ERC2: variants seen among roughly 807,000 people sequenced by gnomAD.
ERC2 encodes ERC protein 2.
In ERC2, 42 loss-of-function variants were observed where a neutral mutation model predicts 114.8. The ratio of observed to expected loss-of-function variants is 0.37; its 90% CI spans 0.29 to 0.47. The LOEUF is 0.47. ERC2 is among the 20% of genes least tolerant of loss of function. ERC2 has a pLI of 0.99. For missense variants in ERC2, 939 were observed against 1,150.7 expected, an observed-to-expected ratio of 0.82 and a Z score of 2.66; for synonymous variants, 454 against 425.5, an observed-to-expected ratio of 1.07 and a Z score of -0.82.
intron 14 of ERC2, among the ~76,000 whole-genome samples, chr3:55,747,829 C>G (rs540919293): frequency 2.0e-5 from 3 of 152,350 alleles, no homozygotes; most frequent in Admixed American, 6.5e-5. Flanking sequence ...ACACCTGAAG[C>G]CTTGCACTGC....
At chr3:55,561,296 G>A (rs1430476249) in intron 17 of ERC2, among the ~76,000 whole-genome samples, 3 of 151,768 alleles carry the variant, frequency 2.0e-5, no homozygotes, top group Admixed American at 2.0e-4. Flanking sequence ...CATTTTTTCC[G>A]TGTGTCCATT....
intron 6 of ERC2, among the ~76,000 whole-genome samples, chr3:56,128,098 TA>T (rs1421371279): frequency 1.3e-5 from 2 of 151,408 alleles, no homozygotes; most frequent in Admixed American, 6.6e-5. Flanking sequence ...TTTTAAATTT[TA>T]AAAAAAAGAT....
At chr3:55,782,053 G>A (rs965067606) in intron 14 of ERC2, among the ~76,000 whole-genome samples, 5 of 152,010 alleles carry the variant, frequency 3.3e-5, no homozygotes, top group African/African-American at 1.2e-4. Context: ...CTCCCACCAG[G>A]GTGTACCACA....
chr3:56,070,378 G>A (rs183904594), intron 7 of ERC2, among the ~76,000 whole-genome samples: 4 of 152,132 alleles, frequency 2.6e-5, no homozygotes, highest in Admixed American at 6.5e-5. Context: ...GCCTGTACCC[G>A]TTAGGGTAGC....
At chr3:55,624,685 CA>C (rs1190201358) in intron 17 of ERC2, among the ~76,000 whole-genome samples, 1 of 152,102 alleles carries the variant, frequency 6.6e-6, no homozygotes, top group African/African-American at 2.4e-5. Context: ...TTTTCCTCTG[CA>C]AAATGGGAAT....
intron 13 of ERC2, among the ~76,000 whole-genome samples, chr3:55,921,874 G>A (rs2065451027): frequency 6.6e-6 from 1 of 152,094 alleles, no homozygotes; most frequent in Non-Finnish European, 1.5e-5. Flanking sequence ...AATTTCTACT[G>A]TTAATATAAC....
chr3:56,044,612 T>C (rs1347573591), intron 7 of ERC2, among the ~76,000 whole-genome samples: 2 of 152,158 alleles, frequency 1.3e-5, no homozygotes, highest in Admixed American at 6.6e-5. Flanking sequence ...AAGTACTCTA[T>C]CTATGCTCTT....
intron 17 of ERC2, among the ~76,000 whole-genome samples, chr3:55,575,264 C>T (rs2056918480): frequency 6.6e-6 from 1 of 152,142 alleles, no homozygotes; most frequent in Admixed American, 6.5e-5. Flanking sequence ...GTGATCTGCT[C>T]ACCCTGCACT....
At chr3:55,526,845 G>A (rs1559599895) in intron 17 of ERC2, among the ~76,000 whole-genome samples, 1 of 152,180 alleles carries the variant, frequency 6.6e-6, no homozygotes, top group East Asian at 1.9e-4. Context: ...CTCAGCCAAA[G>A]CCTCCTGGCC....
chr3:56,160,039 G>A (rs2081967590), intron 4 of ERC2, among the ~76,000 whole-genome samples: 1 of 152,182 alleles, frequency 6.6e-6, no homozygotes, highest in Non-Finnish European at 1.5e-5. Context: ...GGGTCAAATA[G>A]TAGTTATCTT....
intron 7 of ERC2, among the ~76,000 whole-genome samples, chr3:56,034,921 A>C (rs138996484): frequency 6.6e-6 from 1 of 152,196 alleles, no homozygotes; most frequent in Non-Finnish European, 1.5e-5. Context: ...GTAACTAAAA[A>C]AATAAGAACG....
chr3:55,749,177 C>T (rs1167061252), intron 14 of ERC2, among the ~76,000 whole-genome samples: 1 of 152,088 alleles, frequency 6.6e-6, no homozygotes, highest in African/African-American at 2.4e-5. Context: ...TAAAAGAGGC[C>T]CCCAGGCCTG....
chr3:55,549,942 GAGAGAGAGAGAGAGAGAC>G (rs1213043714), intron 17 of ERC2, among the ~76,000 whole-genome samples: 1 of 119,736 alleles, frequency 8.4e-6, no homozygotes, highest in Non-Finnish European at 1.9e-5. Flanking sequence ...GAGAGAGAGA[GAGAGAGAGAGAGAGAGAC>G]AGAGAGAGAG....
intron 14 of ERC2, among the ~76,000 whole-genome samples, chr3:55,781,382 G>GC: frequency 6.6e-6 from 1 of 152,292 alleles, no homozygotes; most frequent in African/African-American, 2.4e-5. Flanking sequence ...CAGGGTAGGT[G>GC]CTCAGAAAAC....
chr3:56,302,761 T>A (rs1049806418), intron 2 of ERC2, among the ~76,000 whole-genome samples: 1 of 152,206 alleles, frequency 6.6e-6, no homozygotes, highest in African/African-American at 2.4e-5. Flanking sequence ...TCTAGGGCCA[T>A]CTCTTTGGAA....
intron 8 of ERC2, among the ~76,000 whole-genome samples, chr3:56,018,419 T>C (rs552125788): frequency 6.6e-6 from 1 of 152,196 alleles, no homozygotes; most frequent in South Asian, 2.1e-4. Context: ...AGCTGGGGAA[T>C]AGCATCTGAG....
intron 2 of ERC2, among the ~76,000 whole-genome samples, chr3:56,311,990 A>C (rs1484346271): frequency 6.6e-6 from 1 of 152,198 alleles, no homozygotes; most frequent in Non-Finnish European, 1.5e-5. Context: ...ATATAGCATA[A>C]GAACTATTTG....
chr3:55,693,398 G>C (rs757910241), intron 16 of ERC2, among the ~76,000 whole-genome samples: 1 of 152,236 alleles, frequency 6.6e-6, no homozygotes, highest in South Asian at 2.1e-4. Flanking sequence ...TACATGTTCA[G>C]AGGCTCAGGG....
intron 15 of ERC2, among the ~76,000 whole-genome samples, chr3:55,701,370 T>C (rs549326559): frequency 6.6e-6 from 1 of 152,276 alleles, no homozygotes; most frequent in Admixed American, 6.5e-5. Flanking sequence ...GTCTTGCTGC[T>C]AGCAGAAAAG....
Sources: allele counts gnomAD v4.1 joint callset (sites outside exome capture counted in the v4.1 genomes callset), GRCh38; gene constraint gnomAD v4.1.1; transcripts MANE v1.5; gene names NCBI Gene and HGNC (gene_info 2026-07-23, HGNC 2026-07-21).